SDC3: variants seen among roughly 807,000 people sequenced by gnomAD.
SDC3 encodes syndecan-3.
In SDC3, 13 loss-of-function variants were observed where a neutral mutation model predicts 24.4. That is an observed-to-expected ratio of 0.53 (90% CI 0.35 to 0.85). The LOEUF (loss-of-function observed/expected upper bound fraction) is 0.85, where lower values mean the gene tolerates loss of function less well. Among genes scored for constraint, SDC3 ranks in the 40% least tolerant of loss-of-function variants. The probability of loss-of-function intolerance (pLI) is 0.01; values close to 1 mark genes in which losing one functional copy is unlikely to be tolerated. For synonymous variants in SDC3, 295 were observed against 260.9 expected, an observed-to-expected ratio of 1.13 and a Z score of -1.26; for missense variants, 571 against 584.5, an observed-to-expected ratio of 0.98 and a Z score of 0.24.
At chr1:30,875,430 G>C (rs1355450583) in intron 3 of SDC3, among the ~76,000 whole-genome samples, 1 of 152,170 alleles carries the variant, frequency 6.6e-6, no homozygotes, top group Non-Finnish European at 1.5e-5. Context: ...CCAGCTGCTT[G>C]AGGAGGCAAG....
chr1:30,898,013 A>G (rs2124339416), intron 1 of SDC3, among the ~76,000 whole-genome samples: 2 of 152,262 alleles, frequency 1.3e-5, no homozygotes. Context: ...TTGGACTCAA[A>G]GCCCACCTTG....
intron 1 of SDC3, among the ~76,000 whole-genome samples, chr1:30,890,735 G>A (rs909833053): frequency 6.6e-6 from 1 of 152,200 alleles, no homozygotes; most frequent in Non-Finnish European, 1.5e-5. Context: ...TCACACAGCA[G>A]AGCCTGGACT....
chr1:30,907,988 C>CACACCCAGCCGGGACGGCG (rs1553140693), intron 1 of SDC3, among the ~76,000 whole-genome samples: 1 of 152,222 alleles, frequency 6.6e-6, no homozygotes, highest in Non-Finnish European at 1.5e-5. Flanking sequence ...CACCCCAAGA[C>CACACCCAGCCGGGACGGCG]ACACCCAGCC....
chr1:30,902,808 C>T (rs112954087), intron 1 of SDC3, among the ~76,000 whole-genome samples: 33 of 152,354 alleles, frequency 2.2e-4, no homozygotes, highest in Middle Eastern at 3.4e-3. Context: ...TCCCAGCCCA[C>T]GGGCACATGC....
intron 1 of SDC3, among the ~76,000 whole-genome samples, chr1:30,900,163 C>T (rs1638384794): frequency 6.6e-6 from 1 of 152,184 alleles, no homozygotes; most frequent in Non-Finnish European, 1.5e-5. Context: ...ATTGCTCAAC[C>T]TCTCAGGGCC....
intron 2 of SDC3, chr1:30,878,340 C>T: frequency 3.0e-6 from 1 of 334,898 alleles, no homozygotes; most frequent in East Asian, 5.5e-5. Flanking sequence ...CGGAACCAAG[C>T]AAGGTCTGCA....
At chr1:30,888,995 G>A (rs1473437156) in intron 1 of SDC3, among the ~76,000 whole-genome samples, 1 of 152,224 alleles carries the variant, frequency 6.6e-6, no homozygotes, top group African/African-American at 2.4e-5. Context: ...ACACAGTGGG[G>A]TGAGAAAGGG....
At chr1:30,875,842 A>G (rs1472455759) in intron 3 of SDC3, among the ~76,000 whole-genome samples, 1 of 152,178 alleles carries the variant, frequency 6.6e-6, no homozygotes, top group Non-Finnish European at 1.5e-5. Flanking sequence ...GTGCACCCAC[A>G]GTTGCTCGTC....
intron 1 of SDC3, among the ~76,000 whole-genome samples, chr1:30,900,147 G>A (rs1404227114): frequency 6.6e-6 from 1 of 152,136 alleles, no homozygotes; most frequent in African/African-American, 2.4e-5. Flanking sequence ...GCCCCACTGT[G>A]GGCACATTGC....
At chr1:30,883,213 G>C (rs187949607) in intron 1 of SDC3, among the ~76,000 whole-genome samples, 1 of 152,174 alleles carries the variant, frequency 6.6e-6, no homozygotes, top group African/African-American at 2.4e-5. Context: ...TGGATGAAGG[G>C]GGAGAAAGGG....
In SDC3 at chr1:30,871,340, A is replaced by C. The variant is rs1224305556; in HGVS notation, c.*1871T>G. On this transcript the variant is annotated 3_prime_UTR_variant, in exon 5 of 5. Coordinates refer to ENST00000339394, the MANE Select transcript of SDC3 (RefSeq NM_014654.4). ...TGTGAGTGCCAGCCAATCGCAACTCACACCACATCCCTTTGGCTCCAAGAG... is the reference window on the plus strand; with the variant it reads ...TGTGAGTGCCAGCCAATCGCAACTCCCACCACATCCCTTTGGCTCCAAGAG... 1.3e-5 allele frequency: 2 copies of C among 152,130 alleles called. No homozygotes were observed. The highest frequency in any genetic ancestry group is 2.4e-5 in the African/African-American group (1 of 41,382). 9.4% of individuals were successfully genotyped at this position (152,130 alleles called of 1,614,324 possible).
At chr1:30,898,431 G>T (rs1332904453) in intron 1 of SDC3, among the ~76,000 whole-genome samples, 4 of 152,102 alleles carry the variant, frequency 2.6e-5, no homozygotes, top group Non-Finnish European at 5.9e-5. Flanking sequence ...GCCCCCTGGG[G>T]GTCCCTAGTG....
chr1:30,875,500 A>C (rs1299867502), intron 3 of SDC3, among the ~76,000 whole-genome samples: 1 of 152,122 alleles, frequency 6.6e-6, no homozygotes, highest in Non-Finnish European at 1.5e-5. Context: ...CACTGACCCC[A>C]AGGCAGCGCC....
At chr1:30,885,205 G>A (rs1472787403) in intron 1 of SDC3, among the ~76,000 whole-genome samples, 2 of 152,162 alleles carry the variant, frequency 1.3e-5, no homozygotes, top group African/African-American at 2.4e-5. Context: ...AGGAGGCTGG[G>A]CATGTTCACC....
intron 1 of SDC3, chr1:30,878,945 G>T (rs1213225830): frequency 5.5e-6 from 3 of 549,656 alleles, no homozygotes; most frequent in Middle Eastern, 4.9e-4. Context: ...TCCCATCCCA[G>T]AAGGCTTTCA....
intron 1 of SDC3, among the ~76,000 whole-genome samples, chr1:30,906,804 T>C (rs1638527633): frequency 6.6e-6 from 1 of 152,098 alleles, no homozygotes; most frequent in Admixed American, 6.5e-5. Flanking sequence ...AAGCCTTTGA[T>C]TTTAAGGATG....
chr1:30,887,426 C>T (rs1557519991), intron 1 of SDC3, among the ~76,000 whole-genome samples: 2 of 152,116 alleles, frequency 1.3e-5, no homozygotes, highest in Admixed American at 6.6e-5. Context: ...AATAATGATC[C>T]CCAACACACA....
intron 3 of SDC3, among the ~76,000 whole-genome samples, chr1:30,875,071 C>A (rs543120166): frequency 3.9e-5 from 6 of 152,220 alleles, no homozygotes; most frequent in Non-Finnish European, 7.3e-5. Context: ...AAGAGCACAA[C>A]CTGCAGACTA....
At chr1:30,874,077 T>G (rs1027993956) in intron 4 of SDC3, among the ~76,000 whole-genome samples, 1 of 152,124 alleles carries the variant, frequency 6.6e-6, no homozygotes, top group East Asian at 1.9e-4. Context: ...GACCTAGAGA[T>G]GGACATGAAG....
Sources: allele counts gnomAD v4.1 joint callset (sites outside exome capture counted in the v4.1 genomes callset), GRCh38; gene constraint gnomAD v4.1.1; transcripts MANE v1.5; gene names NCBI Gene and HGNC (gene_info 2026-07-23, HGNC 2026-07-21).